The following CCNY variants were observed in gnomAD, a reference collection of about 807,000 sequenced individuals.
The protein encoded by CCNY is cyclin Y.
In CCNY, 19 loss-of-function variants were observed where a neutral mutation model predicts 42.8. The observed-to-expected ratio is 0.44, with a 90% confidence interval of 0.31 to 0.65. The LOEUF (loss-of-function observed/expected upper bound fraction) is 0.65. CCNY is among the 30% of genes least tolerant of loss of function. CCNY has a pLI of 0.07. For synonymous variants in CCNY, 165 were observed against 162.7 expected (o/e 1.01, Z -0.11); for missense variants, 370 against 437.3 (o/e 0.85, Z 1.37).
At chr10:35,529,370 T>C (rs1840717161) in intron 5 of CCNY, among the ~76,000 whole-genome samples, 1 of 152,224 alleles carries the variant, frequency 6.6e-6, no homozygotes, top group Non-Finnish European at 1.5e-5. Context: ...GGAAATAAGA[T>C]GTCAAATTTA....
intron 1 of CCNY, among the ~76,000 whole-genome samples, chr10:35,353,539 A>G (rs1307501862): frequency 6.6e-6 from 1 of 152,178 alleles, no homozygotes; most frequent in East Asian, 1.9e-4. Context: ...AGGACCTCAT[A>G]CTGTAGGAGA....
intron 3 of CCNY, among the ~76,000 whole-genome samples, chr10:35,276,113 T>C (rs1465124795): frequency 6.6e-6 from 1 of 152,166 alleles, no homozygotes; most frequent in Non-Finnish European, 1.5e-5. Context: ...GACCTGAAAA[T>C]AGGCTCGGGT....
At chr10:35,315,118 A>G (rs1401011261) in intron 3 of CCNY, 3 of 152,084 alleles carry the variant, frequency 2.0e-5, no homozygotes, top group African/African-American at 7.2e-5. Flanking sequence ...TTTTTAAAAA[A>G]CTTTTAGTTT....
chr10:35,341,371 C>T (rs1484069952), intron 1 of CCNY, among the ~76,000 whole-genome samples: 1 of 152,220 alleles, frequency 6.6e-6, no homozygotes, highest in Non-Finnish European at 1.5e-5. Context: ...CTTTAAACAT[C>T]CTTTCTGCCG....
chr10:35,548,168 ATTT>A (rs2089002574), intron 7 of CCNY, among the ~76,000 whole-genome samples: 1 of 151,818 alleles, frequency 6.6e-6, no homozygotes, highest in African/African-American at 2.4e-5. Flanking sequence ...TTTGATTATT[ATTT>A]ATTTTTCGTG....
chr10:35,324,033 T>A lies in CCNY; in HGVS notation c.-9+73407T>A, dbSNP rs1479184515. ...ACTTTGCCTCAAAAAAAAAAAAAAA[T>A]TCCAAAGGTCTAAACTTCAAAGATA... On this transcript the variant is annotated intron_variant, in intron 3 of 11. Transcript: ENST00000374706. Among the ~76,000 whole-genome samples, 4 of 150,956 alleles carry A rather than the reference T, an allele frequency of 2.6e-5. 1 individual carries two copies. In the South Asian group the frequency reaches 8.4e-4, roughly 32 times the overall value.
intron 1 of CCNY, among the ~76,000 whole-genome samples, chr10:35,439,073 T>C (rs2098247276): frequency 6.6e-6 from 1 of 152,248 alleles, no homozygotes; most frequent in South Asian, 2.1e-4. Flanking sequence ...TTTCTTTGGC[T>C]GCTTTGAGGA....
upstream of CCNY, among the ~76,000 whole-genome samples, chr10:35,333,229 C>T (rs1835966482): frequency 6.6e-6 from 1 of 151,494 alleles, no homozygotes; most frequent in Non-Finnish European, 1.5e-5. Flanking sequence ...CCCTTGTCCA[C>T]ATTCTGGGCT....
At chr10:35,465,373 G>A (rs141885162) in intron 1 of CCNY, among the ~76,000 whole-genome samples, 35 of 152,188 alleles carry the variant, frequency 2.3e-4, no homozygotes, top group African/African-American at 7.5e-4. Context: ...AGGTCGTCAC[G>A]TATATTTCTC....
chr10:35,481,122 G>A (rs941853225), intron 1 of CCNY, among the ~76,000 whole-genome samples: 1 of 152,086 alleles, frequency 6.6e-6, no homozygotes, highest in Non-Finnish European at 1.5e-5. Context: ...TAATGCTTTC[G>A]TCACCTAATG....
At chr10:35,372,220 C>G (rs529339424) in intron 1 of CCNY, among the ~76,000 whole-genome samples, 1 of 152,278 alleles carries the variant, frequency 6.6e-6, no homozygotes, top group East Asian at 1.9e-4. Flanking sequence ...TTCACCCTGA[C>G]AGTGAGGAAG....
intron 3 of CCNY, among the ~76,000 whole-genome samples, chr10:35,291,409 A>G (rs918448688): frequency 2.6e-5 from 4 of 152,112 alleles, no homozygotes; most frequent in African/African-American, 9.7e-5. Flanking sequence ...ATTGCCAAAC[A>G]ATATTCCATT....
At chr10:35,465,961 CTGTGTG>C (rs68166048) in intron 1 of CCNY, among the ~76,000 whole-genome samples, 4 of 94,642 alleles carry the variant, frequency 4.2e-5, no homozygotes, top group Non-Finnish European at 9.0e-5. Context: ...GTGTGTGTGT[CTGTGTG>C]TGTGTGTGTG....
Position 35,474,017 on chromosome 10 carries a change from A to G in CCNY, c.155-9387A>G, listed in dbSNP as rs141796376. Among the ~76,000 whole-genome samples, 510 of 152,272 alleles carry G rather than the reference A, an allele frequency of 3.3e-3. 3 individuals are homozygous for G. The highest frequency in any genetic ancestry group is 0.012 in the African/African-American group (480 of 41,568). On this transcript the variant is annotated intron_variant, in intron 1 of 9. Coordinates refer to ENST00000374704, the MANE Select transcript of CCNY (RefSeq NM_145012.6). ...AGGGGTCAGGGAGTTCCCTTTCCTAATCAAAGAAAGGGGTGACGGACGGCA... is the reference window on the plus strand; with the variant it reads ...AGGGGTCAGGGAGTTCCCTTTCCTAGTCAAAGAAAGGGGTGACGGACGGCA...
At chr10:35,310,889 C>T (rs1358732540) in intron 3 of CCNY, among the ~76,000 whole-genome samples, 2 of 152,156 alleles carry the variant, frequency 1.3e-5, no homozygotes, top group Admixed American at 6.5e-5. Context: ...GCCTGTAATC[C>T]TAGTACTTTG....
At chr10:35,261,662 GC>G (rs1160165344) in intron 3 of CCNY, among the ~76,000 whole-genome samples, 1 of 152,134 alleles carries the variant, frequency 6.6e-6, no homozygotes, top group Non-Finnish European at 1.5e-5. Context: ...CCACCATGAT[GC>G]TGTTGTATTC....
intron 7 of CCNY, among the ~76,000 whole-genome samples, chr10:35,545,043 A>G (rs1339237523): frequency 1.3e-5 from 2 of 152,238 alleles, no homozygotes; most frequent in African/African-American, 4.8e-5. Flanking sequence ...ACACTCAGTA[A>G]CATTTGAAAA....
intron 1 of CCNY, among the ~76,000 whole-genome samples, chr10:35,408,361 A>C (rs1837829179): frequency 1.3e-5 from 2 of 152,120 alleles, no homozygotes; most frequent in Non-Finnish European, 2.9e-5. Flanking sequence ...TGTTTATTTC[A>C]CCTGGGTGCC....
chr10:35,347,951 G>C (rs1836342876), intron 1 of CCNY, among the ~76,000 whole-genome samples: 1 of 152,222 alleles, frequency 6.6e-6, no homozygotes, highest in Admixed American at 6.5e-5. Flanking sequence ...TCATGGTGCT[G>C]TGTTTAATCC....
Sources: gnomAD v4.1 joint callset for allele counts (sites outside exome capture counted in the v4.1 genomes callset) on GRCh38, gnomAD v4.1.1 for gene constraint, MANE v1.5 for transcripts, NCBI Gene and HGNC (gene_info 2026-07-23, HGNC 2026-07-21) for gene names.